LARP6: variants seen among roughly 807,000 people sequenced by gnomAD.
The protein encoded by LARP6 is La ribonucleoprotein 6, translational regulator, also known as la-related protein 6.
In LARP6, 18 loss-of-function variants were observed where a neutral mutation model predicts 32.8. The observed-to-expected ratio is 0.55, with a 90% CI of 0.38 to 0.81. The LOEUF is 0.81. Ranked by LOEUF, LARP6 falls within the 40% of genes least tolerant of loss-of-function variation. The probability of loss-of-function intolerance (pLI) is 0.00; values close to 1 mark genes in which losing one functional copy is unlikely to be tolerated. For missense variants in LARP6, 598 were observed against 663.1 expected (o/e 0.90, Z 1.08); for synonymous variants, 289 against 267.2 (o/e 1.08, Z -0.80).
chr15:70,852,848 G>T, intron 1 of LARP6, among the ~76,000 whole-genome samples: 1 of 152,182 alleles, frequency 6.6e-6, no homozygotes, highest in East Asian at 1.9e-4. Flanking sequence ...CAGTAATAGA[G>T]AATGGCTCTG....
chr15:70,832,408 T>C lies in LARP6; in HGVS notation c.1120A>G (p.Asn374Asp). 2 of 1,597,940 alleles carry C rather than the reference T, an allele frequency of 1.3e-6. No individual in the cohort carries two copies. The highest frequency in any genetic ancestry group is 1.7e-6 in the Non-Finnish European group (2 of 1,173,196). ...CAAGGACTTGTGCACGGGGAGGCAT[T>C]TGGACTCAGAAAGAGATTCTGGTGG... The part of the protein sequence containing the change: ...SGHQNLFLSP[N>D]ASPCTSPWSS... The change falls in exon 3 of 3, where the codon AAT becomes GAT. Residue 374 changes from asparagine (N) to aspartate (D), a missense_variant. Coordinates refer to ENST00000299213, the MANE Select transcript of LARP6 (RefSeq NM_018357.4).
At position 70,833,024 on chromosome 15, in the gene LARP6, C is replaced by T. The variant is rs777393596; in HGVS notation, c.504G>A (p.Arg168=). The T allele has an allele frequency of 3.7e-6, 6 of 1,613,796 alleles. No individual in the cohort carries two copies. Among genetic ancestry groups the T allele is most frequent in the African/African-American group, 1.3e-5 (1 of 74,902 alleles). The change falls in exon 3 of 3, where the codon AGG becomes AGA. Residue 168 remains arginine (R), a synonymous_variant. Coordinates refer to ENST00000299213, the MANE Select transcript of LARP6 (RefSeq NM_018357.4). Reference sequence around the variant, plus strand: ...GGAACAGTGGGACGGGGGTGGTCCTCCTCACCTTCCGGTGGTCCTCATTCA... The same window carrying T: ...GGAACAGTGGGACGGGGGTGGTCCTTCTCACCTTCCGGTGGTCCTCATTCA... ...LELNEDHRKV[R]RTTPVPLFPN...
intron 1 of LARP6, chr15:70,851,934 A>C: frequency 1.6e-6 from 1 of 616,818 alleles, no homozygotes; most frequent in Non-Finnish European, 2.7e-6. Context: ...TGTAGACACA[A>C]AATAGCCCCC....
chr15:70,837,520 A>G (rs146936422), intron 1 of LARP6, among the ~76,000 whole-genome samples: 8 of 152,330 alleles, frequency 5.3e-5, no homozygotes, highest in African/African-American at 1.9e-4. Context: ...CCTGGTTTCT[A>G]GAAGACAGTA....
intron 2 of LARP6, among the ~76,000 whole-genome samples, chr15:70,835,417 C>T (rs1364598452): frequency 1.3e-5 from 2 of 152,146 alleles, no homozygotes; most frequent in East Asian, 1.9e-4. Context: ...GCGCCTAGCA[C>T]AGCACTCAGC....
At chr15:70,840,979 T>A (rs887071383) in intron 1 of LARP6, among the ~76,000 whole-genome samples, 6 of 151,644 alleles carry the variant, frequency 4.0e-5, no homozygotes, top group Non-Finnish European at 5.9e-5. Context: ...AGTGGCACTG[T>A]CTCGGCTCAC....
In LARP6 at chr15:70,833,101, G is replaced by T. The variant is rs748559545; in HGVS notation, c.427C>A (p.Arg143=). ...GCATGTGCTGTGGTTCTCCAGTCCCGTGTAAGATGTTTCACCTGCAGAACA... is the reference window on the plus strand; with the variant it reads ...GCATGTGCTGTGGTTCTCCAGTCCCTTGTAAGATGTTTCACCTGCAGAACA... ...TSFKKVKHLT[R]DWRTTAHALK... is the part of the protein sequence containing the mutation. The change falls in exon 3 of 3, where the codon CGG becomes AGG. Residue 143 remains arginine (R), a synonymous_variant. Coordinates refer to ENST00000299213, the MANE Select transcript of LARP6 (RefSeq NM_018357.4). 5.0e-6 allele frequency: 8 copies of T among 1,613,866 alleles called. No individual in the cohort carries two copies. Among genetic ancestry groups the T allele is most frequent in the Non-Finnish European group, 6.8e-6 (8 of 1,179,808 alleles).
Position 70,832,951 on chromosome 15 carries a change from A to C in LARP6, c.577T>G (p.Leu193Val). ...GCCAGAGCCCACAGCTTAGGAGACA[A>C]GTAGAGATCATAGACCAGGAGCATC... The part of the protein sequence containing the change: ...SKMLLVYDLY[L>V]SPKLWALATP... The change falls in exon 3 of 3, where the codon TTG (leucine) becomes GTG (valine). Residue 193 changes from leucine to valine, a missense_variant. By Grantham distance (32) the Leu-to-Val change is conservative. This residue lies in a region of LARP6 where 368 missense variants were observed against 397.9 expected (regional missense o/e 0.92). Transcript: ENST00000299213. 6.2e-7 allele frequency: 1 copy of C among 1,608,228 alleles called. No homozygotes were observed. Among genetic ancestry groups the C allele is most frequent in the Non-Finnish European group, 8.5e-7 (1 of 1,176,888 alleles).
At chr15:70,844,546 A>G (rs2032314644) in intron 1 of LARP6, among the ~76,000 whole-genome samples, 1 of 152,200 alleles carries the variant, frequency 6.6e-6, no homozygotes, top group Admixed American at 6.5e-5. Context: ...ATGACTATGT[A>G]AACACTGTTC....
chr15:70,850,441 C>T (rs568326670), intron 1 of LARP6, among the ~76,000 whole-genome samples: 1 of 152,266 alleles, frequency 6.6e-6, no homozygotes, highest in Admixed American at 6.5e-5. Context: ...TGCAAAAATC[C>T]TCAGCAAAAT....
rs1395578823 is a variant in LARP6 at position 70,832,673 on chromosome 15, G to A, written c.855C>T (p.Asn285=). 2 of 1,608,078 alleles carry A rather than the reference G, an allele frequency of 1.2e-6. No individual in the cohort carries two copies. The highest frequency in any genetic ancestry group is 8.5e-7 in the Non-Finnish European group (1 of 1,178,470). The part of the protein sequence containing the change: ...FMITESQGKE[N]MKAVLIGMKP... ...TCATACCAATCAGGACAGCTTTCAT[G>A]TTCTCTTTGCCCTGAGATTCTGTGA... The change falls in exon 3 of 3, where the codon AAC becomes AAT. Residue 285 remains asparagine (N), a synonymous_variant. Transcript: ENST00000299213.
chr15:70,852,524 G>A (rs756963935), intron 1 of LARP6, among the ~76,000 whole-genome samples: 9 of 152,146 alleles, frequency 5.9e-5, no homozygotes, highest in Non-Finnish European at 1.2e-4. Flanking sequence ...GGAAAATAAA[G>A]TTATAAGGAT....
intron 1 of LARP6, among the ~76,000 whole-genome samples, chr15:70,846,791 G>GT (rs2032356238): frequency 6.6e-6 from 1 of 152,084 alleles, no homozygotes. Flanking sequence ...ATAGTTATCT[G>GT]TAAGTGTCAC....
chr15:70,836,543 G>A (rs371433875), intron 1 of LARP6, 38 bp from the exon 2 acceptor site: 37 of 1,542,958 alleles, frequency 2.4e-5, no homozygotes, highest in East Asian at 2.0e-4. Context: ...TAGGGTCAAC[G>A]TTGAACTGTG....
intron 1 of LARP6, among the ~76,000 whole-genome samples, chr15:70,843,340 A>G (rs1567022269): frequency 6.6e-6 from 1 of 152,250 alleles, no homozygotes; most frequent in Non-Finnish European, 1.5e-5. Flanking sequence ...TAATAGATAA[A>G]CATAGCAAAA....
rs10634375 is a variant in LARP6 at position 70,838,912 on chromosome 15, C to CACAA, written c.201-2408_201-2407insTTGT. Among the ~76,000 whole-genome samples, 10 of 102,900 alleles carry CACAA rather than the reference C, an allele frequency of 9.7e-5. 3 individuals carry two copies. Among genetic ancestry groups the CACAA allele is most frequent in the Non-Finnish European group, 1.5e-4 (8 of 53,316 alleles). The allele number at this position is 102,900 out of a possible 152,430, so 67.5% of individuals were successfully genotyped here. A position where few individuals can be genotyped will look rare whatever the true frequency, so the allele number is the denominator to read the frequency against. On this transcript the variant is annotated intron_variant, in intron 1 of 2. Transcript: ENST00000299213. ...AAATTTTCACTGGCTCTCAGCCTCA[C>CACAA]AAAAAAAAAAAAAAAGAAAAGAAGC...
chr15:70,836,870 C>T (rs1295809715), intron 1 of LARP6, among the ~76,000 whole-genome samples: 3 of 152,130 alleles, frequency 2.0e-5, no homozygotes, highest in African/African-American at 4.8e-5. Flanking sequence ...TTTCAGAGGG[C>T]GCATGGCCCT....
intron 1 of LARP6, among the ~76,000 whole-genome samples, chr15:70,848,433 A>G (rs1025392793): frequency 1.2e-4 from 19 of 152,166 alleles, no homozygotes; most frequent in African/African-American, 3.9e-4. Flanking sequence ...AAAAATTGAC[A>G]TTAATAAAAA....
chr15:70,840,464 CG>C (rs1247206265), intron 1 of LARP6, among the ~76,000 whole-genome samples: 1 of 152,118 alleles, frequency 6.6e-6, no homozygotes, highest in Non-Finnish European at 1.5e-5. Flanking sequence ...CGCTTGAACC[CG>C]GCGGGCGGAG....
Sources: allele counts gnomAD v4.1 joint callset (sites outside exome capture counted in the v4.1 genomes callset), GRCh38; gene constraint gnomAD v4.1.1; regional missense constraint gnomAD v4.1.1; transcripts MANE v1.5; gene names NCBI Gene and HGNC (gene_info 2026-07-23, HGNC 2026-07-21).